Variants in COPS7A observed in about 807,000 individuals in gnomAD.
COPS7A encodes the protein COP9 signalosome subunit 7A.
A neutral mutation model predicts 35.2 loss-of-function variants in COPS7A; 20 were observed. That is an observed-to-expected ratio of 0.57 (90% CI 0.40 to 0.83). COPS7A has a LOEUF of 0.83. Ranked by LOEUF, COPS7A falls within the 40% of genes least tolerant of loss-of-function variation. COPS7A has a pLI of 0.00. For missense variants in COPS7A, 247 were observed against 347.5 expected, an observed-to-expected ratio of 0.71 and a Z score of 2.30; for synonymous variants, 139 against 141.4, an observed-to-expected ratio of 0.98 and a Z score of 0.12.
In COPS7A at chr12:6,731,351, A is replaced by G. The variant is rs770326558; in HGVS notation, c.*312A>G. 43 of 1,401,078 alleles carry G rather than the reference A, an allele frequency of 3.1e-5. No homozygotes were observed. The highest frequency in any genetic ancestry group is 4.0e-5 in the Non-Finnish European group (43 of 1,080,358). The allele number at this position is 1,401,078 out of a possible 1,614,324, so 86.8% of individuals were successfully genotyped here. On this transcript the variant is annotated 3_prime_UTR_variant, in exon 8 of 8. Transcript: ENST00000543155. ...ATTACATGTCATTGAGTAGGTGGGT[A>G]GCCCTGATGGGGGTCGCTCTGTCTG...
Position 6,731,276 on chromosome 12 carries a change from G to A in COPS7A, c.*237G>A. The A allele has an allele frequency of 6.9e-7, 1 of 1,439,556 alleles. No individual in the cohort carries two copies. The highest frequency in any genetic ancestry group is 9.1e-7 in the Non-Finnish European group (1 of 1,099,474). 89.2% of individuals were successfully genotyped at this position (1,439,556 alleles called of 1,614,324 possible). ...TTCATGTGTTCCATTGCTCCCCGCT[G>A]CCATGCTCTCTCCCTTGTTTCCTTA... is the stretch of plus-strand genomic sequence containing the variant. On this transcript the variant is annotated 3_prime_UTR_variant, in exon 8 of 8. Transcript: ENST00000543155.
chr12:6,727,200 G>C (rs1434870506), intron 2 of COPS7A, among the ~76,000 whole-genome samples: 1 of 152,066 alleles, frequency 6.6e-6, no homozygotes, highest in Non-Finnish European at 1.5e-5. Context: ...AGCCTGGTGT[G>C]GTGGTGCACG....
chr12:6,724,554 T>G, intron 1 of COPS7A, 60 bp from the exon 2 acceptor site: 2 of 1,402,460 alleles, frequency 1.4e-6, no homozygotes, highest in Non-Finnish European at 2.0e-6. Flanking sequence ...CCCTCAGCCT[T>G]GTGCTTCCCA....
Position 6,724,801 on chromosome 12 carries a change from A to C in COPS7A, c.145A>C (p.Met49Leu). The C allele has an allele frequency of 6.2e-7, 1 of 1,614,198 alleles. No homozygotes were observed. Residue 49 changes from methionine (M) to leucine (L), a missense_variant, in exon 2 of 8, where the codon ATG (methionine) becomes CTG (leucine). Physicochemically the swap from Met to Leu is conservative, Grantham distance 15. Transcript: ENST00000543155. ...GVYVFGELLD[M>L]PNVRELAESD... ...CTACGTGTTTGGAGAACTGCTGGAC[A>C]TGCCCAATGTTAGAGAGGTGGGTTG...
At position 6,731,366 on chromosome 12, in the gene COPS7A, C is replaced by G; in HGVS notation, c.*327C>G. The G allele has an allele frequency of 7.3e-7, 1 of 1,376,454 alleles. No homozygotes were observed. The highest frequency in any genetic ancestry group is 1.8e-5 in the South Asian group (1 of 56,180). The allele number at this position is 1,376,454 out of a possible 1,614,324, so 85.3% of individuals were successfully genotyped here. On this transcript the variant is annotated 3_prime_UTR_variant, in exon 8 of 8. Coordinates refer to ENST00000543155, the MANE Select transcript of COPS7A (RefSeq NM_001164094.2). ...GTAGGTGGGTAGCCCTGATGGGGGT[C>G]GCTCTGTCTGGAGCATAACCCACAG...
chr12:6,731,767 G>T lies in COPS7A; in HGVS notation c.*728G>T, dbSNP rs1212086868. 6.6e-6 allele frequency: 1 copy of T among 151,686 alleles called. No homozygotes were observed. Among genetic ancestry groups the T allele is most frequent in the Non-Finnish European group, 1.5e-5 (1 of 68,028 alleles). 9.4% of individuals were successfully genotyped at this position (151,686 alleles called of 1,614,324 possible). A position where few individuals can be genotyped will look rare whatever the true frequency, so the allele number is the denominator to read the frequency against. The stretch of plus-strand genomic sequence containing the variant: ...CCTTTTGTGAGTTTGGTGGGGAAGG[G>T]AAGGGTATATAGATTGTATTAAAAA... On this transcript the variant is annotated 3_prime_UTR_variant, in exon 8 of 8. Coordinates refer to ENST00000543155, the MANE Select transcript of COPS7A (RefSeq NM_001164094.2).
rs965617842 is a variant in COPS7A, at chr12:6,731,815, T to A, written c.*776T>A. ...AAAAAAAAAGGTATATATGCATATA[T>A]CTATATATAATATGACGCAGAAATA... On this transcript the variant is annotated 3_prime_UTR_variant, in exon 8 of 8. Coordinates refer to ENST00000543155, the MANE Select transcript of COPS7A (RefSeq NM_001164094.2). 5.9e-5 allele frequency: 9 copies of A among 152,372 alleles called. 1 individual carries two copies. Among genetic ancestry groups the A allele is most frequent in the African/African-American group, 2.2e-4 (9 of 41,318 alleles). The allele number at this position is 152,372 out of a possible 1,614,324, so 9.4% of individuals were successfully genotyped here.
In COPS7A at chr12:6,730,704, G is replaced by C; in HGVS notation, c.672G>C (p.Thr224=). The C allele has an allele frequency of 1.2e-6, 2 of 1,614,070 alleles. No individual in the cohort carries two copies. Among genetic ancestry groups the C allele is most frequent in the Non-Finnish European group, 1.7e-6 (2 of 1,180,010 alleles). ...TTAAAAAAACCATTAAAGTTACGAC[G>C]GCAGCAGCAGCCGCAGCCACATCTC... ...ANLKKTIKVT[T]AAAAAATSQD... The change falls in exon 7 of 8, where the codon ACG becomes ACC. Residue 224 remains threonine (T), a synonymous_variant. Transcript: ENST00000543155.
At chr12:6,730,933 C>T in intron 7 of COPS7A, 67 bp from the exon 8 acceptor site, 1 of 1,582,356 alleles carries the variant, frequency 6.3e-7, no homozygotes, top group Non-Finnish European at 8.6e-7. Flanking sequence ...AGTGGGGGAG[C>T]CTCCAGGGGT....
chr12:6,730,361 A>T, intron 5 of COPS7A, 41 bp from the exon 6 acceptor site: 1 of 1,587,880 alleles, frequency 6.3e-7, no homozygotes. Context: ...CTGTGATCGC[A>T]GCCCTTGTCT....
chr12:6,730,294 G>C lies in COPS7A; in HGVS notation c.531-108G>C. 3 of 981,616 alleles carry C rather than the reference G, an allele frequency of 3.1e-6. No homozygotes were observed. In the South Asian group the frequency reaches 4.1e-5, roughly 14 times the overall value. The allele number at this position is 981,616 out of a possible 1,614,324, so 60.8% of individuals were successfully genotyped here. On this transcript the variant is annotated intron_variant, in intron 5 of 7. Transcript: ENST00000543155. ...GGCCTCCCAAAATGCAGGGATTATG[G>C]GGGTGAGCTACTGCGCCCTGCCTCT...
At chr12:6,726,685 A>G (rs79328327) in intron 2 of COPS7A, among the ~76,000 whole-genome samples, 2 of 149,792 alleles carry the variant, frequency 1.3e-5, no homozygotes, top group African/African-American at 2.4e-5. Context: ...AAAAAAAAAA[A>G]GGGAGGCGGA....
chr12:6,730,939 G>T (rs931247182), intron 7 of COPS7A, 61 bp from the exon 8 acceptor site: 44 of 1,589,056 alleles, frequency 2.8e-5, no homozygotes, highest in Non-Finnish European at 3.7e-5. Context: ...GGAGCCTCCA[G>T]GGGTTAGGGG....
At chr12:6,726,940 G>A (rs142483593) in intron 2 of COPS7A, among the ~76,000 whole-genome samples, 3 of 152,300 alleles carry the variant, frequency 2.0e-5, no homozygotes, top group African/African-American at 4.8e-5. Flanking sequence ...TATTTCTTGC[G>A]AGGCAATTAC....
At chr12:6,724,958 G>A (rs1295665088) in intron 2 of COPS7A, 140 bp downstream of exon 2, 1 of 879,398 alleles carries the variant, frequency 1.1e-6, no homozygotes, top group African/African-American at 1.7e-5. Flanking sequence ...CCAACTTGCA[G>A]AAGTAACCAG....
In COPS7A at chr12:6,729,375, C is replaced by T. The variant is rs138782614; in HGVS notation, c.456C>T (p.Leu152=). The change falls in exon 5 of 8, where the codon CTC becomes CTT. Residue 152 remains leucine (L), a synonymous_variant. Transcript: ENST00000543155. This position sits in a 1 kb window ranked among gnomAD's most constrained non-coding sequence, Gnocchi z 4.2. ...RGSLDQRNQR[L]EVDYSIGRDI... ...CCCTGGACCAGCGCAACCAGCGGCT[C>T]GAGGTTGACTACAGCATCGGGCGGG... is the stretch of plus-strand genomic sequence containing the variant. 6.8e-6 allele frequency: 11 copies of T among 1,614,132 alleles called. No individual in the cohort carries two copies. The highest frequency in any genetic ancestry group is 1.6e-4 in the Middle Eastern group (1 of 6,062).
At chr12:6,730,380 T>A in intron 5 of COPS7A, 22 bp from the exon 6 acceptor site, 1 of 1,611,764 alleles carries the variant, frequency 6.2e-7, no homozygotes, top group Non-Finnish European at 8.5e-7. Context: ...CTGCTGACAC[T>A]TCTCTCCCCT....
chr12:6,728,266 T>G lies in COPS7A; in HGVS notation c.282T>G (p.Asn94Lys). The G allele has an allele frequency of 6.2e-7, 1 of 1,614,200 alleles. No individual in the cohort carries two copies. Among genetic ancestry groups the G allele is most frequent in the Non-Finnish European group, 8.5e-7 (1 of 1,180,022 alleles). ...CTCCACTAACAGAGGCTCAGAAGAA[T>G]AAGCTTCGACACCTCTCAGTTGTCA... ...NLPPLTEAQK[N>K]KLRHLSVVTL... Residue 94 changes from asparagine (N) to lysine (K), a missense_variant, in exon 4 of 8, where the codon AAT becomes AAG. By Grantham distance (94) the Asn-to-Lys change is moderately conservative. Coordinates refer to ENST00000543155, the MANE Select transcript of COPS7A (RefSeq NM_001164094.2).
Position 6,724,637 on chromosome 12 carries a change from C to T in COPS7A, c.-20C>T. 1.2e-6 allele frequency: 2 copies of T among 1,613,924 alleles called. No homozygotes were observed. Among genetic ancestry groups the T allele is most frequent in the South Asian group, 2.2e-5 (2 of 91,050 alleles). On this transcript the variant is annotated 5_prime_UTR_variant, in exon 2 of 8. Transcript: ENST00000543155. ...AGCTCTGGACATCCTGAGCCCAAGTCCCCCACACTCAGTGCAGTGATGAGT... is the reference window on the plus strand; with the variant it reads ...AGCTCTGGACATCCTGAGCCCAAGTTCCCCACACTCAGTGCAGTGATGAGT...
Sources: gnomAD v4.1 joint callset for allele counts (sites outside exome capture counted in the v4.1 genomes callset) on GRCh38, gnomAD v4.1.1 for gene constraint, Gnocchi (gnomAD v3.1) non-coding constraint, MANE v1.5 for transcripts, NCBI Gene and HGNC (gene_info 2026-07-23, HGNC 2026-07-21) for gene names.